Variants in CACNA1I observed in about 807,000 individuals in gnomAD.
CACNA1I encodes voltage-dependent T-type calcium channel subunit alpha-1I.
CACNA1I carries 74 observed loss-of-function variants against 201.6 expected under a neutral mutation model. The ratio of observed to expected loss-of-function variants is 0.37; its 90% CI spans 0.30 to 0.45. The LOEUF (loss-of-function observed/expected upper bound fraction) is 0.45, where lower values mean the gene tolerates loss of function less well. Among genes scored for constraint, CACNA1I ranks in the 20% least tolerant of loss-of-function variants. The pLI is 1.00. For missense variants in CACNA1I, 2,346 were observed against 3,138.1 expected (o/e 0.75, Z 6.03); for synonymous variants, 1,431 against 1,345.2 (o/e 1.06, Z -1.40).
intron 16 of CACNA1I, among the ~76,000 whole-genome samples, chr22:39,661,541 A>C (rs1263613218): frequency 2.6e-5 from 4 of 152,186 alleles, no homozygotes; most frequent in African/African-American, 7.2e-5. Context: ...TTGGATTTTC[A>C]TCTCAGCAAC....
At chr22:39,646,937 C>T (rs866716894) in intron 8 of CACNA1I, 56 bp downstream of exon 8, 1 of 1,445,388 alleles carries the variant, frequency 6.9e-7, no homozygotes, top group Non-Finnish European at 9.1e-7. Flanking sequence ...AGTGTCACTC[C>T]TTTCCAGCAC....
chr22:39,604,918 A>G (rs943326836), intron 3 of CACNA1I, among the ~76,000 whole-genome samples: 4 of 151,982 alleles, frequency 2.6e-5, no homozygotes, highest in African/African-American at 9.7e-5. Context: ...CTGCCCAGCT[A>G]TGTGCTGGAT....
At chr22:39,634,093 A>G (rs56167403) in intron 4 of CACNA1I, among the ~76,000 whole-genome samples, 1,656 of 152,302 alleles carry the variant, frequency 0.011, 14 homozygotes, top group Non-Finnish European at 0.016. Context: ...TTGTGAAAAG[A>G]CAGCTAGACT....
In CACNA1I at chr22:39,648,302, C is replaced by T. The variant is rs375355670; in HGVS notation, c.1567+376C>T. On this transcript the variant is annotated intron_variant, in intron 9 of 36. Coordinates refer to ENST00000402142, the MANE Select transcript of CACNA1I (RefSeq NM_021096.4). This position sits in a 1 kb window ranked among gnomAD's most constrained non-coding sequence, Gnocchi z 5.4. ...CGTGGGCAGGCCCGGCATGCGGACA[C>T]AGGAGCTGGGGCCGGGCAAGGCTGG... 6.2e-4 allele frequency among the ~76,000 whole-genome samples: 94 copies of T among 152,304 alleles called. No individual in the cohort carries two copies. Among genetic ancestry groups the T allele is most frequent in the African/African-American group, 2.2e-3 (90 of 41,570 alleles).
intron 3 of CACNA1I, among the ~76,000 whole-genome samples, chr22:39,605,947 G>A (rs958999901): frequency 5.3e-5 from 8 of 152,142 alleles, no homozygotes; most frequent in African/African-American, 1.9e-4. Context: ...TCATTGCACA[G>A]GCAAGGTCCA....
intron 4 of CACNA1I, among the ~76,000 whole-genome samples, chr22:39,633,552 G>C (rs1934122667): frequency 6.6e-6 from 1 of 152,230 alleles, no homozygotes; most frequent in Non-Finnish European, 1.5e-5. Flanking sequence ...TGCGGTGGCT[G>C]AATAGGGATT....
At chr22:39,575,990 G>A (rs1241975954) in intron 1 of CACNA1I, among the ~76,000 whole-genome samples, 4 of 152,122 alleles carry the variant, frequency 2.6e-5, no homozygotes, top group Middle Eastern at 3.4e-3. Context: ...AGCCAGGCTG[G>A]TCTTGAACTC....
rs1933672404 is a variant in CACNA1I at position 39,619,760 on chromosome 22, T to A, written c.580+353T>A. ...ACCCATAGGAAAAGAAGTTGCTTAG[T>A]TTGAAGGAGGACGTCGTAGAGCATT... is the stretch of plus-strand genomic sequence containing the variant. On this transcript the variant is annotated intron_variant, in intron 4 of 36. Coordinates refer to ENST00000402142, the MANE Select transcript of CACNA1I (RefSeq NM_021096.4). Among the ~76,000 whole-genome samples the A allele has an allele frequency of 2.6e-5, 4 of 152,268 alleles. No individual in the cohort carries two copies. The South Asian group carries it at 8.3e-4, about 32-fold the overall frequency.
In CACNA1I at chr22:39,649,015, C is replaced by T. The variant is rs1934571145; in HGVS notation, c.1568-486C>T. 6.6e-6 allele frequency among the ~76,000 whole-genome samples: 1 copy of T among 152,204 alleles called. No individual in the cohort carries two copies. Among genetic ancestry groups the T allele is most frequent in the Non-Finnish European group, 1.5e-5 (1 of 68,024 alleles). ...CCCTCCCTGGGAAGCAAACCTCACC[C>T]CTTCCCCGCTCCCCACCTGCTGTAT... is the stretch of plus-strand genomic sequence containing the variant. On this transcript the variant is annotated intron_variant, in intron 9 of 36. Coordinates refer to ENST00000402142, the MANE Select transcript of CACNA1I (RefSeq NM_021096.4). This position sits in a 1 kb window ranked among gnomAD's most constrained non-coding sequence, Gnocchi z 7.3.
In CACNA1I at chr22:39,574,962, C is replaced by T. The variant is rs113701408; in HGVS notation, c.236+3974C>T. Among the ~76,000 whole-genome samples the T allele has an allele frequency of 3.0e-3, 461 of 152,348 alleles. 2 individuals are homozygous for T. Among genetic ancestry groups the T allele is most frequent in the African/African-American group, 0.01 (426 of 41,588 alleles). On this transcript the variant is annotated intron_variant, in intron 1 of 36. Transcript: ENST00000402142. The stretch of plus-strand genomic sequence containing the variant: ...CCCTGACTCAGCTCCTCTTCCAGCC[C>T]GGAGCTAGGCCCTGAGTCACCGCCT...
At chr22:39,669,966 C>A in intron 24 of CACNA1I, 72 bp from the exon 25 acceptor site, 1 of 1,559,816 alleles carries the variant, frequency 6.4e-7, no homozygotes, top group Non-Finnish European at 8.8e-7. Flanking sequence ...GGAGGCTCAG[C>A]CAGGATGGGC....
At chr22:39,573,056 C>T (rs529590403) in intron 1 of CACNA1I, among the ~76,000 whole-genome samples, 4 of 152,190 alleles carry the variant, frequency 2.6e-5, no homozygotes, top group East Asian at 3.9e-4. Flanking sequence ...GCCCAGCCTA[C>T]GTGGCTAGTT....
At chr22:39,644,606 G>A (rs1260851614) in intron 7 of CACNA1I, among the ~76,000 whole-genome samples, 1 of 152,114 alleles carries the variant, frequency 6.6e-6, no homozygotes, top group Non-Finnish European at 1.5e-5. Flanking sequence ...CCTCCTGTGA[G>A]GACCCTGAAC....
rs1347405866 is a variant in CACNA1I at position 39,688,859 on chromosome 22, C to T, written c.*2454C>T. ...GTGTGGAGAAGGTGGAAGAGCTGAG[C>T]TCAGAGGCAGAGAAGCTCCTTGCAG... is the stretch of plus-strand genomic sequence containing the variant. On this transcript the variant is annotated 3_prime_UTR_variant, in exon 37 of 37. Coordinates refer to ENST00000402142, the MANE Select transcript of CACNA1I (RefSeq NM_021096.4). This position sits in a 1 kb window ranked among gnomAD's most constrained non-coding sequence, Gnocchi z 4.8. 1.3e-5 allele frequency: 2 copies of T among 152,496 alleles called. No homozygotes were observed. Among genetic ancestry groups the T allele is most frequent in the African/African-American group, 4.8e-5 (2 of 41,582 alleles). The allele number at this position is 152,496 out of a possible 1,614,324, so 9.4% of individuals were successfully genotyped here.
At chr22:39,575,683 A>G (rs781209952) in intron 1 of CACNA1I, among the ~76,000 whole-genome samples, 13 of 152,144 alleles carry the variant, frequency 8.5e-5, no homozygotes, top group Non-Finnish European at 1.8e-4. Flanking sequence ...ATTCTCCAGC[A>G]GGGCACCTCT....
intron 33 of CACNA1I, among the ~76,000 whole-genome samples, chr22:39,680,241 A>T (rs981263820): frequency 3.9e-5 from 6 of 152,110 alleles, no homozygotes; most frequent in African/African-American, 1.4e-4. Flanking sequence ...TCATCCTGGC[A>T]CTCAACCTCC....
intron 3 of CACNA1I, among the ~76,000 whole-genome samples, chr22:39,607,196 A>G (rs1408239694): frequency 6.6e-6 from 1 of 152,206 alleles, no homozygotes; most frequent in African/African-American, 2.4e-5. Flanking sequence ...GAGGCGCCTT[A>G]CATCTGAAAG....
chr22:39,674,671 G>A (rs910708748), intron 29 of CACNA1I, among the ~76,000 whole-genome samples: 6 of 152,022 alleles, frequency 3.9e-5, no homozygotes, highest in South Asian at 4.2e-4. Context: ...TCCCTCCCCC[G>A]CTGTCTTGAC....
intron 4 of CACNA1I, among the ~76,000 whole-genome samples, chr22:39,632,033 C>T (rs1024091774): frequency 7.9e-5 from 12 of 151,914 alleles, no homozygotes; most frequent in African/African-American, 2.2e-4. Flanking sequence ...GGAGGAGGGA[C>T]GGGGCTGCCA....
Sources: allele counts gnomAD v4.1 joint callset (sites outside exome capture counted in the v4.1 genomes callset), GRCh38; gene constraint gnomAD v4.1.1; non-coding constraint Gnocchi (gnomAD v3.1); transcripts MANE v1.5; gene names NCBI Gene and HGNC (gene_info 2026-07-23, HGNC 2026-07-21).